The following MARCO variants were observed in gnomAD, a reference collection of about 807,000 sequenced individuals.
MARCO encodes the protein macrophage receptor with collagenous structure, also known as macrophage receptor MARCO.
MARCO carries 72 observed loss-of-function variants against 70.0 expected under a neutral mutation model. The observed-to-expected ratio is 1.03, with a 90% confidence interval of 0.85 to 1.25. MARCO has a LOEUF of 1.25. MARCO is among the 50% of genes most tolerant of loss of function. The probability of loss-of-function intolerance (pLI) is 0.00; values close to 1 mark genes in which losing one functional copy is unlikely to be tolerated. For missense variants in MARCO, 696 were observed against 659.3 expected, an observed-to-expected ratio of 1.06 and a Z score of -0.61; for synonymous variants, 273 against 243.1, an observed-to-expected ratio of 1.12 and a Z score of -1.14.
intron 1 of MARCO, chr2:118,949,583 G>A (rs1679679465): frequency 6.6e-6 from 1 of 152,142 alleles, no homozygotes; most frequent in Non-Finnish European, 1.5e-5. Context: ...CTACAGTGGG[G>A]TTAGAGTTGC....
chr2:118,970,925 T>C (rs181102500), intron 3 of MARCO, among the ~76,000 whole-genome samples: 5 of 152,288 alleles, frequency 3.3e-5, no homozygotes, highest in Admixed American at 3.3e-4. Context: ...CCCAGCAGGG[T>C]TCCTTGCTCT....
intron 12 of MARCO, among the ~76,000 whole-genome samples, chr2:118,989,429 G>C (rs1270252834): frequency 6.6e-6 from 1 of 152,150 alleles, no homozygotes. Flanking sequence ...TTGTTGCCTG[G>C]GTCTGCAGCG....
At chr2:118,971,772 C>A (rs1680177191) in intron 4 of MARCO, among the ~76,000 whole-genome samples, 1 of 152,238 alleles carries the variant, frequency 6.6e-6, no homozygotes, top group Admixed American at 6.5e-5. Flanking sequence ...TCCACTCCCC[C>A]ATCCAAATCT....
intron 1 of MARCO, among the ~76,000 whole-genome samples, chr2:118,954,891 C>T (rs920028087): frequency 6.6e-6 from 1 of 152,062 alleles, no homozygotes; most frequent in African/African-American, 2.4e-5. Flanking sequence ...CAAGGGAACA[C>T]CCCGTGGGAC....
At position 118,981,487 on chromosome 2, in the gene MARCO, T is replaced by C. The variant is rs6761637; in HGVS notation, c.845T>C (p.Phe282Ser). The change falls in exon 9 of 17, where the codon TTC (phenylalanine) becomes TCC (serine). Residue 282 changes from phenylalanine to serine, a missense_variant. Around this residue, in one of 3 missense-constraint regions of MARCO, gnomAD observed 605 missense variants for 537.6 expected, o/e 1.13. Coordinates refer to ENST00000327097, the MANE Select transcript of MARCO (RefSeq NM_006770.4). The stretch of plus-strand genomic sequence containing the variant: ...GGAGCCCAGGGGAGTAAAGGTGACT[T>C]CGGGAGGCCAGGCCCACCAGGTAAG... ...PPGAQGSKGD[F>S]GRPGPPGLAG... 0.068 allele frequency: 109,537 copies of C among 1,599,326 alleles called. 6,786 individuals are homozygous for C. The highest frequency in any genetic ancestry group is 0.3 in the African/African-American group (22,268 of 73,226).
rs765416657 is a variant in MARCO, at chr2:118,990,663, G to A, written c.1108+30G>A. The A allele has an allele frequency of 2.6e-5, 41 of 1,575,304 alleles. 1 individual carries two copies. In the Admixed American group the frequency reaches 2.7e-4, roughly 10 times the overall value. The stretch of plus-strand genomic sequence containing the variant: ...AGGGCAGGCTGCATCTTCATCCCTC[G>A]GAGTGATGACGGGGAAGGCCTGCCT... On this transcript the variant is annotated intron_variant, in intron 13 of 16. Transcript: ENST00000327097.
intron 12 of MARCO, among the ~76,000 whole-genome samples, chr2:118,982,680 C>T (rs1304853834): frequency 6.6e-6 from 1 of 152,148 alleles, no homozygotes; most frequent in Non-Finnish European, 1.5e-5. Flanking sequence ...AGCACCTTGC[C>T]CATACCATCT....
chr2:118,943,785 C>T (rs529262658), intron 1 of MARCO, among the ~76,000 whole-genome samples: 12 of 152,170 alleles, frequency 7.9e-5, no homozygotes, highest in Admixed American at 2.0e-4. Context: ...AAAATTGGGA[C>T]GGAAAGACCA....
In MARCO at chr2:118,993,308, A is replaced by G; in HGVS notation, c.1429+8A>G. ...TGTACAAAGTGGGAGCTGGTAAGTG[A>G]GTCATCAGCCGGGGGCCTCTTCCCC... On this transcript the variant is annotated splice_region_variant and intron_variant, in intron 16 of 16. Coordinates refer to ENST00000327097, the MANE Select transcript of MARCO (RefSeq NM_006770.4). 1.2e-6 allele frequency: 2 copies of G among 1,613,678 alleles called. No homozygotes were observed. Among genetic ancestry groups the G allele is most frequent in the Non-Finnish European group, 1.7e-6 (2 of 1,179,792 alleles).
intron 8 of MARCO, among the ~76,000 whole-genome samples, chr2:118,979,519 AC>A (rs1404071452): frequency 6.6e-6 from 1 of 152,100 alleles, no homozygotes; most frequent in East Asian, 1.9e-4. Context: ...GGAGACCCAG[AC>A]TTTCTCAAGG....
At chr2:118,954,215 G>T (rs1317903668) in intron 1 of MARCO, among the ~76,000 whole-genome samples, 1 of 152,142 alleles carries the variant, frequency 6.6e-6, no homozygotes, top group African/African-American at 2.4e-5. Context: ...AACACACTTG[G>T]GGCTGTTGCT....
intron 1 of MARCO, among the ~76,000 whole-genome samples, chr2:118,955,152 C>A (rs928449774): frequency 1.3e-5 from 2 of 151,778 alleles, no homozygotes; most frequent in African/African-American, 4.8e-5. Flanking sequence ...TTAAGTTAAT[C>A]AGGGAGGGAC....
chr2:118,992,364 T>G (rs931928016), intron 14 of MARCO, 68 bp from the exon 15 acceptor site: 1 of 1,355,300 alleles, frequency 7.4e-7, no homozygotes, highest in Admixed American at 1.7e-5. Context: ...TCCCCACTCA[T>G]GCAAATGCAG....
intron 6 of MARCO, among the ~76,000 whole-genome samples, chr2:118,976,257 T>G (rs185079352): frequency 3.5e-4 from 53 of 152,314 alleles, no homozygotes; most frequent in African/African-American, 1.1e-3. Context: ...CCAAATCATC[T>G]GGAACCCACA....
chr2:118,994,433 G>A lies in MARCO; in HGVS notation c.1476G>A (p.Glu492=). 6.2e-7 allele frequency: 1 copy of A among 1,614,178 alleles called. No homozygotes were observed. Among genetic ancestry groups the A allele is most frequent in the Non-Finnish European group, 8.5e-7 (1 of 1,180,026 alleles). Residue 492 remains glutamate (E), a synonymous_variant, in exon 17 of 17, where the codon GAG becomes GAA. Transcript: ENST00000327097. ...WLDNVQCRGT[E]STLWSCTKNS... The stretch of plus-strand genomic sequence containing the variant: ...ATAATGTTCAGTGTCGGGGCACGGA[G>A]AGTACCCTGTGGAGCTGCACCAAGA...
chr2:118,982,278 G>A (rs760116957), intron 11 of MARCO, 24 bp downstream of exon 11: 1 of 1,612,266 alleles, frequency 6.2e-7, no homozygotes, highest in Non-Finnish European at 8.5e-7. Context: ...TCCTATGGTG[G>A]GCACAGGGAG....
At chr2:118,952,869 C>G (rs7599589) in intron 1 of MARCO, 28,040 of 152,128 alleles carry the variant, frequency 0.18, 3,422 homozygotes, top group African/African-American at 0.33. Context: ...GTTAGAAATA[C>G]ATCATTGGTG....
At chr2:118,963,293 C>A (rs1481934071) in intron 1 of MARCO, among the ~76,000 whole-genome samples, 1 of 149,068 alleles carries the variant, frequency 6.7e-6, no homozygotes, top group African/African-American at 2.5e-5. Flanking sequence ...ATTGTATTTT[C>A]ATTTCCTTTC....
intron 1 of MARCO, among the ~76,000 whole-genome samples, chr2:118,963,933 T>G (rs1160190216): frequency 6.6e-6 from 1 of 152,222 alleles, no homozygotes; most frequent in Non-Finnish European, 1.5e-5. Flanking sequence ...ATTCATGTAT[T>G]TCTCTTTTCT....
Sources: allele counts gnomAD v4.1 joint callset (sites outside exome capture counted in the v4.1 genomes callset), GRCh38; gene constraint gnomAD v4.1.1; regional missense constraint gnomAD v4.1.1; transcripts MANE v1.5; gene names NCBI Gene and HGNC (gene_info 2026-07-23, HGNC 2026-07-21).